The following XYLT1 variants were observed in gnomAD, a reference collection of about 807,000 sequenced individuals.
XYLT1 encodes the protein beta-D-xylosyltransferase 1.
A neutral mutation model predicts 91.3 loss-of-function variants in XYLT1; 36 were observed. That is an observed-to-expected ratio of 0.39 (90% confidence interval 0.30 to 0.52). The LOEUF (loss-of-function observed/expected upper bound fraction) is 0.52, where lower values mean the gene tolerates loss of function less well. Ranked by LOEUF, XYLT1 falls within the 20% of genes least tolerant of loss-of-function variation. XYLT1 has a pLI of 0.68. For missense variants in XYLT1, 1,242 were observed against 1,284.5 expected (o/e 0.97, Z 0.51); for synonymous variants, 588 against 532.0 (o/e 1.11, Z -1.45).
intron 6 of XYLT1, among the ~76,000 whole-genome samples, chr16:17,151,587 G>C (rs2031284567): frequency 6.6e-6 from 1 of 152,284 alleles, no homozygotes; most frequent in Admixed American, 6.5e-5. Context: ...TGTAGAAAGA[G>C]TGAATATCTG....
At chr16:17,369,097 A>T (rs2035492319) in intron 1 of XYLT1, among the ~76,000 whole-genome samples, 1 of 148,806 alleles carries the variant, frequency 6.7e-6, no homozygotes, top group Non-Finnish European at 1.5e-5. Context: ...TGGATGTGGT[A>T]TGGTGTGATC....
At chr16:17,202,070 C>T (rs1475145251) in intron 3 of XYLT1, among the ~76,000 whole-genome samples, 1 of 152,190 alleles carries the variant, frequency 6.6e-6, no homozygotes, top group Non-Finnish European at 1.5e-5. Flanking sequence ...CTTTCTTTCT[C>T]TTGCTTCAGA....
chr16:17,275,473 G>A (rs995163216), intron 2 of XYLT1, among the ~76,000 whole-genome samples: 1 of 152,158 alleles, frequency 6.6e-6, no homozygotes, highest in Non-Finnish European at 1.5e-5. Flanking sequence ...GCCTGGGGTG[G>A]GGAAGGGAGG....
rs1260120012 is a variant in XYLT1 at position 17,464,921 on chromosome 16, C to T, written c.363+5513G>A. Among the ~76,000 whole-genome samples, 5 of 151,612 alleles carry T rather than the reference C, an allele frequency of 3.3e-5. No homozygotes were observed. In the East Asian group the frequency reaches 7.8e-4, roughly 24 times the overall value. ...CAGCATTTTGGGAGGCCGAGGCGGG[C>T]GGATCACGAGGCCAGGAGTTCGAGA... On this transcript the variant is annotated intron_variant, in intron 1 of 11. Transcript: ENST00000261381.
rs947041573 is a variant in XYLT1, at chr16:17,117,837, T to C, written c.2366A>G (p.Asn789Ser). The change falls in exon 11 of 12, where the codon AAT becomes AGT. Residue 789 changes from asparagine (N) to serine (S), a missense_variant. Asn to Ser is a conservative substitution (Grantham distance 46). This residue lies in a region of XYLT1 where 511 missense variants were observed against 497.0 expected (regional missense o/e 1.03). Coordinates refer to ENST00000261381, the MANE Select transcript of XYLT1 (RefSeq NM_022166.4). The stretch of plus-strand genomic sequence containing the variant: ...GATGTCGTAGGTGGCTGCGATGACA[T>C]TGACGGGATCCACCCAAATGACGGT... ...TVTVIWVDPVNVIAATYDILI... is the reference protein window; with the variant it reads ...TVTVIWVDPVSVIAATYDILI... The C allele has an allele frequency of 2.5e-6, 4 of 1,614,048 alleles. No individual in the cohort carries two copies. Among genetic ancestry groups the C allele is most frequent in the Non-Finnish European group, 2.5e-6 (3 of 1,180,000 alleles).
intron 5 of XYLT1, chr16:17,194,275 G>A (rs993274106): frequency 2.6e-5 from 4 of 152,212 alleles, no homozygotes; most frequent in African/African-American, 7.2e-5. Flanking sequence ...ACTCAGATTC[G>A]AGCCGTAAGC....
In XYLT1 at chr16:17,108,593, A is replaced by G; in HGVS notation, c.*102T>C. 1.7e-6 allele frequency: 2 copies of G among 1,187,106 alleles called. No homozygotes were observed. Among genetic ancestry groups the G allele is most frequent in the Non-Finnish European group, 2.3e-6 (2 of 874,284 alleles). 73.5% of individuals were successfully genotyped at this position (1,187,106 alleles called of 1,614,324 possible). On this transcript the variant is annotated 3_prime_UTR_variant, in exon 12 of 12. Coordinates refer to ENST00000261381, the MANE Select transcript of XYLT1 (RefSeq NM_022166.4). ...CTATGGCCAGGAGAGACCCATTCAC[A>G]GAGGGCCTCCCCCAGGGTGGGAGGC...
Position 17,422,199 on chromosome 16 carries a change from CT to C in XYLT1, c.363+48234del, listed in dbSNP as rs1221686544. ...GGGTTTCACCATGATGTCTGGCTAA[CT>C]TTTTAATCTTTGTAGAGGTGGGGTC... is the stretch of plus-strand genomic sequence containing the variant. On this transcript the variant is annotated intron_variant, in intron 1 of 11. Transcript: ENST00000261381. Among the ~76,000 whole-genome samples the C allele has an allele frequency of 2.0e-5, 3 of 150,964 alleles. No homozygotes were observed. The East Asian group carries it at 5.9e-4, about 30-fold the overall frequency.
At chr16:17,176,307 G>A (rs192256233) in intron 5 of XYLT1, among the ~76,000 whole-genome samples, 6 of 152,314 alleles carry the variant, frequency 3.9e-5, no homozygotes, top group East Asian at 1.9e-4. Flanking sequence ...CACTATCATC[G>A]TTTCTCGAGC....
chr16:17,260,768 T>C (rs552590767), intron 2 of XYLT1, among the ~76,000 whole-genome samples: 3 of 152,234 alleles, frequency 2.0e-5, no homozygotes, highest in African/African-American at 7.2e-5. Context: ...ATAGTTGCAA[T>C]AGAAACTTTC....
chr16:17,228,402 C>G (rs2033104381), intron 3 of XYLT1, among the ~76,000 whole-genome samples: 1 of 152,204 alleles, frequency 6.6e-6, no homozygotes, highest in Non-Finnish European at 1.5e-5. Flanking sequence ...TGTGACTTGC[C>G]TGGTCACAGG....
At chr16:17,290,068 TA>T (rs1195426649) in intron 2 of XYLT1, among the ~76,000 whole-genome samples, 3 of 152,252 alleles carry the variant, frequency 2.0e-5, no homozygotes, top group African/African-American at 4.8e-5. Flanking sequence ...CTGTCCTACT[TA>T]GAATATCGAA....
intron 3 of XYLT1, among the ~76,000 whole-genome samples, chr16:17,218,496 C>A (rs543019049): frequency 6.6e-6 from 1 of 152,032 alleles, no homozygotes; most frequent in African/African-American, 2.4e-5. Flanking sequence ...ATGGAAGGCT[C>A]AGTGCCTTAC....
At chr16:17,182,428 T>C (rs1204609414) in intron 5 of XYLT1, among the ~76,000 whole-genome samples, 1 of 152,174 alleles carries the variant, frequency 6.6e-6, no homozygotes, top group Non-Finnish European at 1.5e-5. Flanking sequence ...ACTCCTTCTA[T>C]AGGATCAGGG....
At chr16:17,180,158 G>A (rs944254376) in intron 5 of XYLT1, among the ~76,000 whole-genome samples, 5 of 152,156 alleles carry the variant, frequency 3.3e-5, no homozygotes, top group Admixed American at 2.0e-4. Flanking sequence ...GCCATCTCCC[G>A]GTCGCTCAGT....
chr16:17,280,394 G>A (rs529578324), intron 2 of XYLT1, among the ~76,000 whole-genome samples: 3 of 152,146 alleles, frequency 2.0e-5, no homozygotes, highest in Non-Finnish European at 4.4e-5. Flanking sequence ...CTGAAGAATG[G>A]AGGTGGTCAG....
chr16:17,278,988 A>G (rs942831227), intron 2 of XYLT1, among the ~76,000 whole-genome samples: 1 of 152,214 alleles, frequency 6.6e-6, no homozygotes, highest in Non-Finnish European at 1.5e-5. Flanking sequence ...AAATTTGCCT[A>G]TTACCTCTAC....
At chr16:17,125,224 C>G (rs1436173005) in intron 10 of XYLT1, among the ~76,000 whole-genome samples, 1 of 152,132 alleles carries the variant, frequency 6.6e-6, no homozygotes, top group Non-Finnish European at 1.5e-5. Context: ...TTCAAAGGCT[C>G]TATGGATTCT....
intron 5 of XYLT1, among the ~76,000 whole-genome samples, chr16:17,180,460 T>C (rs2032043353): frequency 6.6e-6 from 1 of 152,078 alleles, no homozygotes; most frequent in Admixed American, 6.6e-5. Flanking sequence ...TGAGAAAGGG[T>C]GGCAATGTTT....
Sources: allele counts gnomAD v4.1 joint callset (sites outside exome capture counted in the v4.1 genomes callset), GRCh38; gene constraint gnomAD v4.1.1; regional missense constraint gnomAD v4.1.1; transcripts MANE v1.5; gene names NCBI Gene and HGNC (gene_info 2026-07-23, HGNC 2026-07-21).